Variants in RELT observed in about 807,000 individuals in gnomAD.
RELT encodes the protein RELT TNF receptor.
Under a neutral mutation model 51.1 loss-of-function variants are expected in RELT, and 37 were observed. The ratio of observed to expected loss-of-function variants is 0.72; its 90% CI spans 0.56 to 0.95. The LOEUF is 0.95. Among genes scored for constraint, RELT ranks in the 40% least tolerant of loss-of-function variants. The probability of loss-of-function intolerance (pLI) is 0.00; values close to 1 mark genes in which losing one functional copy is unlikely to be tolerated. For missense variants in RELT, 535 were observed against 572.6 expected, an observed-to-expected ratio of 0.93 and a Z score of 0.67; for synonymous variants, 241 against 235.7, an observed-to-expected ratio of 1.02 and a Z score of -0.21.
chr11:73,390,767 G>A lies in RELT; in HGVS notation c.133G>A (p.Gly45Ser). ...TTACCTCCCACAGGACCCAGGGCAG[G>A]GCACATTATGCAGGCCCTGCCCCCC... ...GEEPDLDPGQ[G>S]TLCRPCPPGT... Residue 45 changes from glycine to serine, a missense_variant, in exon 4 of 11, where the codon GGC (glycine) becomes AGC (serine). Transcript: ENST00000064780. 6.2e-7 allele frequency: 1 copy of A among 1,609,580 alleles called. No individual in the cohort carries two copies. The highest frequency in any genetic ancestry group is 8.5e-7 in the Non-Finnish European group (1 of 1,178,366).
At position 73,392,279 on chromosome 11, in the gene RELT, C is replaced by T; in HGVS notation, c.436C>T (p.Gln146Ter). 6.2e-7 allele frequency: 1 copy of T among 1,613,106 alleles called. No individual in the cohort carries two copies. The highest frequency in any genetic ancestry group is 8.5e-7 in the Non-Finnish European group (1 of 1,179,822). ...AGASSGGETR[Q>*]PGNGTRAGGP... Reference sequence around the variant, plus strand: ...GGCCAGCAGCGGTGGTGAGACACGGCAGCCTGGGAACGGCACCCGGGCAGG... The same window carrying T: ...GGCCAGCAGCGGTGGTGAGACACGGTAGCCTGGGAACGGCACCCGGGCAGG... Residue 146 changes from glutamine to a stop codon, truncating the protein, a stop_gained, in exon 6 of 11, where the codon CAG becomes TAG. Coordinates refer to ENST00000064780, the MANE Select transcript of RELT (RefSeq NM_152222.2). LOFTEE classifies it high-confidence loss of function.
chr11:73,395,187 T>C lies in RELT; in HGVS notation c.1147T>C (p.Ser383Pro), dbSNP rs761287211. ...AGPSWGDLPD[S>P]PQPGLPPEQQ... is the part of the protein sequence containing the mutation. ...GCCCTCGTGGGGTGATCTCCCTGAC[T>C]CCCCACAGCCTGGCCTCCCCCCTGA... The change falls in exon 10 of 11, where the codon TCC becomes CCC. Residue 383 changes from serine to proline, a missense_variant. Physicochemically the swap from Ser to Pro is moderately conservative, Grantham distance 74. Coordinates refer to ENST00000064780, the MANE Select transcript of RELT (RefSeq NM_152222.2). 1 of 1,613,040 alleles carries C rather than the reference T, an allele frequency of 6.2e-7. No homozygotes were observed. Among genetic ancestry groups the C allele is most frequent in the Non-Finnish European group, 8.5e-7 (1 of 1,179,826 alleles).
rs1283813477 is a variant in RELT, at chr11:73,394,256, GAGCTGCTGAAAGAGTACCACAGCAAAC to G, written c.733_759del (p.Leu245_Leu253del). The G allele has an allele frequency of 4.3e-6, 7 of 1,610,216 alleles. No individual in the cohort carries two copies. The African/African-American group carries it at 9.4e-5, about 22-fold the overall frequency. On this transcript the variant is annotated inframe_deletion, in exon 8 of 11. Coordinates refer to ENST00000064780, the MANE Select transcript of RELT (RefSeq NM_152222.2). The surrounding 1 kb of genome is among the most constrained non-coding windows in gnomAD (Gnocchi z 4.9). ...CACAGAGAATGCTGCGGCCCTGGAG[GAGCTGCTGAAAGAGTACCACAGCAAAC>G]AGCTGGTGCAGACGAGCCACAGGCC...
At chr11:73,392,035 G>A (rs1866223114) in intron 5 of RELT, 176 bp from the exon 6 acceptor site, 7 of 738,298 alleles carry the variant, frequency 9.5e-6, no homozygotes, top group Non-Finnish European at 1.5e-5. Flanking sequence ...TCGATGGCCA[G>A]AAGGGAAAAC....
At chr11:73,390,455 A>G in intron 2 of RELT, 96 bp from the exon 3 acceptor site, 3 of 1,154,566 alleles carry the variant, frequency 2.6e-6, no homozygotes, top group East Asian at 2.3e-5. Context: ...AGTGGTCCCT[A>G]CCACTGGGGT....
chr11:73,380,208 T>G (rs560561322), intron 1 of RELT, among the ~76,000 whole-genome samples: 8 of 152,248 alleles, frequency 5.3e-5, no homozygotes, highest in African/African-American at 1.9e-4. Flanking sequence ...TGACGAGACC[T>G]CTTCCTGAGG....
chr11:73,379,188 TA>T (rs1486578414), intron 1 of RELT, among the ~76,000 whole-genome samples: 5 of 152,192 alleles, frequency 3.3e-5, no homozygotes. Flanking sequence ...TCGTGGTCTC[TA>T]GGGGCTGAGC....
chr11:73,391,860 C>A (rs1866220168), intron 5 of RELT: 1 of 425,836 alleles, frequency 2.3e-6, no homozygotes. Context: ...TCAGTCACCC[C>A]CTGAGGCACT....
chr11:73,394,022 C>G lies in RELT; in HGVS notation c.706+105C>G. The G allele has an allele frequency of 1.6e-6, 2 of 1,216,256 alleles. No individual in the cohort carries two copies. The highest frequency in any genetic ancestry group is 2.4e-6 in the Non-Finnish European group (2 of 826,916). The allele number at this position is 1,216,256 out of a possible 1,614,324, so 75.3% of individuals were successfully genotyped here. ...GCAGAGTCTTGCCCTGCTCTGCCTTCCCTGCCAGGGTGCCTCAAGCAGCCT... is the reference window on the plus strand; with the variant it reads ...GCAGAGTCTTGCCCTGCTCTGCCTTGCCTGCCAGGGTGCCTCAAGCAGCCT... On this transcript the variant is annotated intron_variant, in intron 7 of 10. Transcript: ENST00000064780. This position sits in a 1 kb window ranked among gnomAD's most constrained non-coding sequence, Gnocchi z 4.9.
chr11:73,378,770 T>C (rs2134436105), intron 1 of RELT, among the ~76,000 whole-genome samples: 1 of 152,306 alleles, frequency 6.6e-6, no homozygotes, highest in East Asian at 1.9e-4. Flanking sequence ...CAACCAGACA[T>C]CACCAGAAAG....
chr11:73,395,560 G>C lies in RELT; in HGVS notation c.*69G>C. The C allele has an allele frequency of 1.3e-6, 1 of 779,182 alleles. No individual in the cohort carries two copies. The highest frequency in any genetic ancestry group is 1.3e-5 in the South Asian group (1 of 74,562). 48.3% of individuals were successfully genotyped at this position (779,182 alleles called of 1,614,324 possible). On this transcript the variant is annotated 3_prime_UTR_variant, in exon 11 of 11. Coordinates refer to ENST00000064780, the MANE Select transcript of RELT (RefSeq NM_152222.2). Reference sequence around the variant, plus strand: ...TTCCGAAGGCTTCCTGGAGGAGGTGGAGCTGCAGCTGGGACTGTGAGGACC... The same window carrying C: ...TTCCGAAGGCTTCCTGGAGGAGGTGCAGCTGCAGCTGGGACTGTGAGGACC...
chr11:73,378,699 T>G (rs1235475671), intron 1 of RELT, among the ~76,000 whole-genome samples: 1 of 152,258 alleles, frequency 6.6e-6, no homozygotes, highest in Admixed American at 6.5e-5. Flanking sequence ...TGCACACATG[T>G]CTGGAACACT....
intron 1 of RELT, among the ~76,000 whole-genome samples, chr11:73,380,524 G>A (rs552589350): frequency 6.6e-5 from 10 of 152,264 alleles, no homozygotes; most frequent in Admixed American, 2.0e-4. Context: ...GGGGAACCTC[G>A]ACTCAGAGAG....
Position 73,395,217 on chromosome 11 carries a change from C to T in RELT, c.1177C>T (p.Gln393Ter), listed in dbSNP as rs1866296638. Residue 393 changes from glutamine to a stop codon, truncating the protein, a stop_gained, in exon 10 of 11, where the codon CAG becomes TAG. Coordinates refer to ENST00000064780, the MANE Select transcript of RELT (RefSeq NM_152222.2). LOFTEE classifies it high-confidence loss of function. ...SPQPGLPPEQ[Q>*]ALLGSGGSRT... Reference sequence around the variant, plus strand: ...ACAGCCTGGCCTCCCCCCTGAGCAGCAGGCCCTGCTAGGAAGTGGCGGAAG... The same window carrying T: ...ACAGCCTGGCCTCCCCCCTGAGCAGTAGGCCCTGCTAGGAAGTGGCGGAAG... 1.2e-6 allele frequency: 2 copies of T among 1,613,190 alleles called. No individual in the cohort carries two copies.
In RELT at chr11:73,394,075, C is replaced by A; in HGVS notation, c.706+158C>A. On this transcript the variant is annotated intron_variant, in intron 7 of 10. Coordinates refer to ENST00000064780, the MANE Select transcript of RELT (RefSeq NM_152222.2). This position sits in a 1 kb window ranked among gnomAD's most constrained non-coding sequence, Gnocchi z 4.9. ...TGCTCTCTGACCCAGGAGTGCACAC[C>A]TCTGCCTCCCATTCTTGCCTGATGA... The A allele has an allele frequency of 1.1e-6, 1 of 939,102 alleles. No individual in the cohort carries two copies. The highest frequency in any genetic ancestry group is 1.7e-6 in the Non-Finnish European group (1 of 600,772). 58.2% of individuals were successfully genotyped at this position (939,102 alleles called of 1,614,324 possible). A position where few individuals can be genotyped will look rare whatever the true frequency, so the allele number is the denominator to read the frequency against.
At chr11:73,387,662 C>T (rs902036258) in intron 1 of RELT, among the ~76,000 whole-genome samples, 1 of 152,182 alleles carries the variant, frequency 6.6e-6, no homozygotes, top group Non-Finnish European at 1.5e-5. Flanking sequence ...CCCACTCCCT[C>T]CCCTGAGTGT....
In RELT at chr11:73,394,848, G is replaced by A. The variant is rs1291993848; in HGVS notation, c.1046+114G>A. 20 of 1,302,074 alleles carry A rather than the reference G, an allele frequency of 1.5e-5. No individual in the cohort carries two copies. The highest frequency in any genetic ancestry group is 2.1e-5 in the Non-Finnish European group (20 of 953,572). 80.7% of individuals were successfully genotyped at this position (1,302,074 alleles called of 1,614,324 possible). ...GAGCACCCTGCTCAATGGGAGCCCT[G>A]CCCTTATTGGGCCTCTCTGGGCAGT... On this transcript the variant is annotated intron_variant, in intron 9 of 10. Coordinates refer to ENST00000064780, the MANE Select transcript of RELT (RefSeq NM_152222.2). The surrounding 1 kb of genome is among the most constrained non-coding windows in gnomAD (Gnocchi z 4.9).
At chr11:73,391,329 CCTT>C (rs1262531690) in intron 5 of RELT, 106 bp downstream of exon 5, 3 of 1,038,926 alleles carry the variant, frequency 2.9e-6, no homozygotes, top group African/African-American at 3.3e-5. Context: ...GCAGTGGGGT[CCTT>C]CTTCCAGCCC....
chr11:73,389,109 T>C lies in RELT; in HGVS notation c.-25-3T>C. On this transcript the variant is annotated splice_region_variant and splice_polypyrimidine_tract_variant and intron_variant, in intron 1 of 10. Coordinates refer to ENST00000064780, the MANE Select transcript of RELT (RefSeq NM_152222.2). Reference sequence around the variant, plus strand: ...TGCCGAGCCTCCTCTCCATCTGCCCTAGGCCGGCGACCACCAGGGGCCTGA... The same window carrying C: ...TGCCGAGCCTCCTCTCCATCTGCCCCAGGCCGGCGACCACCAGGGGCCTGA... The C allele has an allele frequency of 1.3e-6, 2 of 1,527,568 alleles. No homozygotes were observed. The highest frequency in any genetic ancestry group is 1.8e-6 in the Non-Finnish European group (2 of 1,130,482). The allele number at this position is 1,527,568 out of a possible 1,614,324, so 94.6% of individuals were successfully genotyped here.
Sources: gnomAD v4.1 joint callset for allele counts (sites outside exome capture counted in the v4.1 genomes callset) on GRCh38, gnomAD v4.1.1 for gene constraint, Gnocchi (gnomAD v3.1) non-coding constraint, MANE v1.5 for transcripts, NCBI Gene and HGNC (gene_info 2026-07-23, HGNC 2026-07-21) for gene names.